UNC5C: variants seen among roughly 807,000 people sequenced by gnomAD.
The protein encoded by UNC5C is netrin receptor UNC5C.
UNC5C carries 47 observed loss-of-function variants against 99.8 expected under a neutral mutation model. The ratio of observed to expected loss-of-function variants is 0.47; its 90% confidence interval spans 0.37 to 0.60. The LOEUF (loss-of-function observed/expected upper bound fraction) is 0.60, where lower values mean the gene tolerates loss of function less well. Among genes scored for constraint, UNC5C ranks in the 20% least tolerant of loss-of-function variants. The probability of loss-of-function intolerance (pLI) is 0.00; values close to 1 mark genes in which losing one functional copy is unlikely to be tolerated. For missense variants in UNC5C, 1,062 were observed against 1,165.9 expected, an observed-to-expected ratio of 0.91 and a Z score of 1.30; for synonymous variants, 487 against 452.2, an observed-to-expected ratio of 1.08 and a Z score of -0.98.
chr4:95,489,976 T>C (rs1721435279), intron 1 of UNC5C, among the ~76,000 whole-genome samples: 1 of 151,394 alleles, frequency 6.6e-6, no homozygotes, highest in Non-Finnish European at 1.5e-5. Context: ...TGAGATTACC[T>C]AAGAAGGATA....
intron 7 of UNC5C, among the ~76,000 whole-genome samples, chr4:95,229,622 T>G (rs1738827993): frequency 1.3e-5 from 2 of 152,132 alleles, no homozygotes; most frequent in Admixed American, 1.3e-4. Context: ...GAACGATTTA[T>G]AATCCTTTGT....
intron 1 of UNC5C, among the ~76,000 whole-genome samples, chr4:95,464,442 A>C (rs265029): frequency 6.6e-6 from 1 of 151,964 alleles, no homozygotes; most frequent in Non-Finnish European, 1.5e-5. Flanking sequence ...AGCTTTAGGA[A>C]TTGTTATTGG....
intron 4 of UNC5C, among the ~76,000 whole-genome samples, chr4:95,254,712 TATC>T (rs1739889286): frequency 6.6e-6 from 1 of 152,198 alleles, no homozygotes; most frequent in Non-Finnish European, 1.5e-5. Context: ...CTCTTGTCCT[TATC>T]ATCAATTACA....
At chr4:95,546,286 GA>G (rs1389456491) in intron 1 of UNC5C, among the ~76,000 whole-genome samples, 1 of 152,218 alleles carries the variant, frequency 6.6e-6, no homozygotes, top group Non-Finnish European at 1.5e-5. Context: ...AGAAGAATAA[GA>G]AGGAAAAGGA....
intron 7 of UNC5C, among the ~76,000 whole-genome samples, chr4:95,223,810 A>C (rs1460888517): frequency 6.6e-6 from 1 of 152,222 alleles, no homozygotes; most frequent in East Asian, 1.9e-4. Flanking sequence ...CCAAAGACTT[A>C]ACACAAAACA....
At chr4:95,316,799 A>ATACC (rs1269910103) in intron 2 of UNC5C, among the ~76,000 whole-genome samples, 1 of 152,098 alleles carries the variant, frequency 6.6e-6, no homozygotes, top group Admixed American at 6.6e-5. Context: ...ATCCCACCTC[A>ATACC]AAGTTTCTTG....
At chr4:95,342,901 T>A (rs1743632983) in intron 1 of UNC5C, among the ~76,000 whole-genome samples, 2 of 152,054 alleles carry the variant, frequency 1.3e-5, no homozygotes, top group Admixed American at 6.5e-5. Context: ...GGGGTGGCAG[T>A]GGCAGTGGCC....
intron 1 of UNC5C, among the ~76,000 whole-genome samples, chr4:95,362,342 AT>A (rs1744420927): frequency 6.6e-6 from 1 of 152,090 alleles, no homozygotes; most frequent in South Asian, 2.1e-4. Flanking sequence ...GAAATCTGGG[AT>A]TTTGCTGTGA....
chr4:95,361,891 C>T (rs1276266405), intron 1 of UNC5C, among the ~76,000 whole-genome samples: 1 of 151,942 alleles, frequency 6.6e-6, no homozygotes, highest in Non-Finnish European at 1.5e-5. Context: ...CCATTCACTC[C>T]TTCTTGTTCT....
At chr4:95,494,485 TA>T (rs996565401) in intron 1 of UNC5C, among the ~76,000 whole-genome samples, 3 of 151,554 alleles carry the variant, frequency 2.0e-5, no homozygotes, top group African/African-American at 7.2e-5. Context: ...CCCCACCCCT[TA>T]AGTATAGCCA....
intron 1 of UNC5C, among the ~76,000 whole-genome samples, chr4:95,356,219 A>C (rs1264556083): frequency 1.4e-4 from 13 of 90,714 alleles, no homozygotes; most frequent in South Asian, 3.4e-4. Flanking sequence ...AAAACAAAAC[A>C]AAAAAAAAAC....
intron 1 of UNC5C, among the ~76,000 whole-genome samples, chr4:95,411,998 T>C (rs894002203): frequency 4.0e-5 from 6 of 151,628 alleles, no homozygotes; most frequent in Admixed American, 1.3e-4. Context: ...TTTTTTTTTT[T>C]CCTAAAACCT....
chr4:95,419,719 G>C (rs1381671112), intron 1 of UNC5C, among the ~76,000 whole-genome samples: 1 of 152,050 alleles, frequency 6.6e-6, no homozygotes, highest in Non-Finnish European at 1.5e-5. Flanking sequence ...CTTTTCTTCT[G>C]TCAGAGCTCT....
At chr4:95,382,808 G>A (rs1202424157) in intron 1 of UNC5C, among the ~76,000 whole-genome samples, 1 of 152,202 alleles carries the variant, frequency 6.6e-6, no homozygotes, top group Non-Finnish European at 1.5e-5. Context: ...AAAGCCAGAA[G>A]TGAGCAACTT....
chr4:95,539,105 A>G (rs568528581), intron 1 of UNC5C, among the ~76,000 whole-genome samples: 1 of 152,328 alleles, frequency 6.6e-6, no homozygotes, highest in Non-Finnish European at 1.5e-5. Context: ...AGGTCACCTC[A>G]TGTAGGGTGC....
chr4:95,386,040 G>A (rs1453250724), intron 1 of UNC5C, among the ~76,000 whole-genome samples: 1 of 152,004 alleles, frequency 6.6e-6, no homozygotes, highest in African/African-American at 2.4e-5. Flanking sequence ...CACTACTACT[G>A]CTGGTACCCA....
At chr4:95,545,436 G>A (rs570518908) in intron 1 of UNC5C, among the ~76,000 whole-genome samples, 26 of 152,154 alleles carry the variant, frequency 1.7e-4, no homozygotes, top group African/African-American at 5.5e-4. Context: ...AAAAGTATAC[G>A]ATAGAATTGT....
intron 3 of UNC5C, among the ~76,000 whole-genome samples, chr4:95,295,103 C>A (rs1044750494): frequency 3.9e-5 from 6 of 152,110 alleles, no homozygotes; most frequent in African/African-American, 1.4e-4. Flanking sequence ...ACATCAAGAG[C>A]GGCACTATTG....
At chr4:95,187,666 T>C (rs148139980) in intron 12 of UNC5C, among the ~76,000 whole-genome samples, 3 of 152,184 alleles carry the variant, frequency 2.0e-5, no homozygotes, top group African/African-American at 7.2e-5. Context: ...AAAGTCATGG[T>C]GAAGAATTCT....
Sources: allele counts gnomAD v4.1 joint callset (sites outside exome capture counted in the v4.1 genomes callset), GRCh38; gene constraint gnomAD v4.1.1; transcripts MANE v1.5; gene names NCBI Gene and HGNC (gene_info 2026-07-23, HGNC 2026-07-21).